DOK6: variants seen among roughly 807,000 people sequenced by gnomAD.
DOK6 encodes docking protein 6.
In DOK6, 22 loss-of-function variants were observed where a neutral mutation model predicts 44.0. The observed-to-expected ratio is 0.50, with a 90% CI of 0.36 to 0.71. The LOEUF (loss-of-function observed/expected upper bound fraction) is 0.71, where lower values mean the gene tolerates loss of function less well. Ranked by LOEUF, DOK6 falls within the 30% of genes least tolerant of loss-of-function variation. The pLI, the probability that DOK6 is intolerant of heterozygous loss-of-function variation, is 0.00. For synonymous variants in DOK6, 166 were observed against 145.5 expected, an observed-to-expected ratio of 1.14 and a Z score of -1.01; for missense variants, 340 against 416.4, an observed-to-expected ratio of 0.82 and a Z score of 1.60.
intron 4 of DOK6, among the ~76,000 whole-genome samples, chr18:69,684,933 C>G (rs572605059): frequency 6.6e-6 from 1 of 152,070 alleles, no homozygotes; most frequent in African/African-American, 2.4e-5. Flanking sequence ...AAAGCAGGGA[C>G]AAGGAACTTT....
At chr18:69,647,235 CT>C (rs1985107211) in intron 3 of DOK6, among the ~76,000 whole-genome samples, 1 of 149,798 alleles carries the variant, frequency 6.7e-6, no homozygotes, top group African/African-American at 2.5e-5. Context: ...CAAAGCTGGT[CT>C]TCTAGTTTCA....
chr18:69,799,887 A>G (rs543208168), intron 7 of DOK6, among the ~76,000 whole-genome samples: 1 of 152,202 alleles, frequency 6.6e-6, no homozygotes, highest in African/African-American at 2.4e-5. Flanking sequence ...GCACAACTTG[A>G]TTCTCCAAGC....
At position 69,677,783 on chromosome 18, in the gene DOK6, G is replaced by C. The variant is rs529851334; in HGVS notation, c.339G>C (p.Gly113=). Reference sequence around the variant, plus strand: ...AGCACCTCTGCATGGAGTGTCTGGGGACCAGGCTCAATGATATCAGCCTTG... The same window carrying C: ...AGCACCTCTGCATGGAGTGTCTGGGCACCAGGCTCAATGATATCAGCCTTG... ...WCKHLCMECL[G]TRLNDISLGE... is the part of the protein sequence containing the mutation. The change falls in exon 4 of 8, where the codon GGG becomes GGC. Residue 113 remains glycine (G), a synonymous_variant. Coordinates refer to ENST00000382713, the MANE Select transcript of DOK6 (RefSeq NM_152721.6). The C allele has an allele frequency of 6.2e-7, 1 of 1,613,816 alleles. No individual in the cohort carries two copies. The highest frequency in any genetic ancestry group is 1.1e-5 in the South Asian group (1 of 91,064).
At chr18:69,735,456 C>T (rs1012417691) in intron 5 of DOK6, among the ~76,000 whole-genome samples, 15 of 152,222 alleles carry the variant, frequency 9.9e-5, no homozygotes, top group African/African-American at 2.9e-4. Context: ...AGGGAAAAGT[C>T]ACAAGGGATA....
chr18:69,838,762 C>G (rs1299747074), intron 7 of DOK6, among the ~76,000 whole-genome samples: 2 of 151,696 alleles, frequency 1.3e-5, no homozygotes. Flanking sequence ...AAAATCTCCC[C>G]TAGCCCCTCC....
chr18:69,568,034 G>A (rs1045871164), intron 2 of DOK6, among the ~76,000 whole-genome samples: 54 of 152,034 alleles, frequency 3.6e-4, no homozygotes, highest in African/African-American at 9.4e-4. Context: ...CTGGCTCCCC[G>A]CGGCCTGCCT....
intron 7 of DOK6, among the ~76,000 whole-genome samples, chr18:69,759,904 T>C (rs895950263): frequency 3.3e-5 from 5 of 152,328 alleles, no homozygotes; most frequent in African/African-American, 1.2e-4. Context: ...AAGTCAAATA[T>C]TTATAAAATG....
At chr18:69,801,387 A>T (rs1452875185) in intron 7 of DOK6, among the ~76,000 whole-genome samples, 1 of 152,190 alleles carries the variant, frequency 6.6e-6, no homozygotes, top group Non-Finnish European at 1.5e-5. Context: ...TCATTAATTA[A>T]TTTTTAATGA....
intron 1 of DOK6, among the ~76,000 whole-genome samples, chr18:69,429,663 A>ATATATATAATC (rs5825937): frequency 9.1e-6 from 1 of 110,194 alleles, no homozygotes; most frequent in Non-Finnish European, 1.9e-5. Flanking sequence ...ATATATATAT[A>ATATATATAATC]TCTTATTAAT....
intron 1 of DOK6, among the ~76,000 whole-genome samples, chr18:69,424,209 A>G (rs1360470805): frequency 6.6e-6 from 1 of 152,200 alleles, no homozygotes; most frequent in Non-Finnish European, 1.5e-5. Flanking sequence ...GGTTGGCCAC[A>G]TACTTACCAT....
intron 1 of DOK6, among the ~76,000 whole-genome samples, chr18:69,488,308 C>G (rs1980640153): frequency 6.6e-6 from 1 of 152,144 alleles, no homozygotes; most frequent in Non-Finnish European, 1.5e-5. Flanking sequence ...GAGGTTTCAA[C>G]ATATGAAACT....
intron 2 of DOK6, among the ~76,000 whole-genome samples, chr18:69,586,512 C>T (rs78361339): frequency 5.5e-4 from 84 of 152,304 alleles, no homozygotes; most frequent in African/African-American, 1.7e-3. Context: ...TTACAAAGAA[C>T]AGAGCAAGCC....
At chr18:69,788,570 T>A (rs1980502054) in intron 7 of DOK6, among the ~76,000 whole-genome samples, 1 of 152,194 alleles carries the variant, frequency 6.6e-6, no homozygotes, top group Non-Finnish European at 1.5e-5. Flanking sequence ...TATTTAAACT[T>A]GGCACTTAAC....
Position 69,766,689 on chromosome 18 carries a change from G to A in DOK6, c.856+8816G>A, listed in dbSNP as rs1044637160. The stretch of plus-strand genomic sequence containing the variant: ...GTTGAGGAGGAGGAGGAAGAGGAGA[G>A]GCTGGTCTTGCTGTCTCAGGAGTGG... On this transcript the variant is annotated intron_variant, in intron 7 of 7. Transcript: ENST00000382713. Among the ~76,000 whole-genome samples the A allele has an allele frequency of 9.9e-5, 15 of 152,200 alleles. No individual in the cohort carries two copies. In the South Asian group the frequency reaches 2.7e-3, roughly 27 times the overall value.
intron 6 of DOK6, 125 bp downstream of exon 6, chr18:69,739,228 G>T: frequency 7.6e-7 from 1 of 1,309,830 alleles, no homozygotes. Context: ...TGATCCTGAG[G>T]GCTTACCCTA....
At chr18:69,416,932 A>AT (rs1978356729) in intron 1 of DOK6, among the ~76,000 whole-genome samples, 2 of 152,032 alleles carry the variant, frequency 1.3e-5, no homozygotes, top group Non-Finnish European at 1.5e-5. Context: ...TAATTTTTAA[A>AT]TTTTTTTATG....
chr18:69,700,535 G>A (rs1446789959), intron 5 of DOK6, among the ~76,000 whole-genome samples: 4 of 151,942 alleles, frequency 2.6e-5, no homozygotes, highest in South Asian at 4.2e-4. Context: ...GAGGAATTTG[G>A]TATCTATTTT....
chr18:69,534,307 G>A (rs755886038), intron 1 of DOK6, among the ~76,000 whole-genome samples: 34 of 152,040 alleles, frequency 2.2e-4, no homozygotes, highest in Non-Finnish European at 4.9e-4. Context: ...TTAGAGTTAT[G>A]CAATTGCAAA....
At chr18:69,703,720 C>T (rs936732913) in intron 5 of DOK6, among the ~76,000 whole-genome samples, 4 of 152,182 alleles carry the variant, frequency 2.6e-5, no homozygotes, top group African/African-American at 9.7e-5. Context: ...CCATGCATAG[C>T]AGGGGAAGAA....
Sources: allele counts gnomAD v4.1 joint callset (sites outside exome capture counted in the v4.1 genomes callset), GRCh38; gene constraint gnomAD v4.1.1; transcripts MANE v1.5; gene names NCBI Gene and HGNC (gene_info 2026-07-23, HGNC 2026-07-21).